The following PLB1 variants were observed in gnomAD, a reference collection of about 807,000 sequenced individuals.
The protein encoded by PLB1 is phospholipase B1, also known as phospholipase B1, membrane-associated.
Under a neutral mutation model 227.4 loss-of-function variants are expected in PLB1, and 242 were observed. That is an observed-to-expected ratio of 1.06 (90% CI 0.96 to 1.18). The LOEUF (loss-of-function observed/expected upper bound fraction) is 1.18, where lower values mean the gene tolerates loss of function less well. Among genes scored for constraint, PLB1 ranks in the 50% most tolerant of loss-of-function variants. The probability of loss-of-function intolerance (pLI) is 0.00; values close to 1 mark genes in which losing one functional copy is unlikely to be tolerated. For missense variants in PLB1, 1,858 were observed against 1,816.3 expected (o/e 1.02, Z -0.42); for synonymous variants, 757 against 682.2 (o/e 1.11, Z -1.71).
chr2:28,610,274 TTTC>T (rs914500656), intron 43 of PLB1, among the ~76,000 whole-genome samples: 1 of 152,130 alleles, frequency 6.6e-6, no homozygotes, highest in African/African-American at 2.4e-5. Context: ...ATGTTCACAC[TTTC>T]TTACCACCTG....
chr2:28,564,836 G>A (rs1332970211), intron 18 of PLB1, among the ~76,000 whole-genome samples: 1 of 147,380 alleles, frequency 6.8e-6, no homozygotes, highest in East Asian at 2.0e-4. Flanking sequence ...TGACGGCTAC[G>A]TGGGATTTCA....
intron 25 of PLB1, among the ~76,000 whole-genome samples, chr2:28,584,355 A>G (rs975810602): frequency 6.6e-6 from 1 of 152,224 alleles, no homozygotes; most frequent in Non-Finnish European, 1.5e-5. Context: ...GAGCAGAGAC[A>G]GGATGGTTGC....
At chr2:28,640,871 GA>G in intron 56 of PLB1, 55 bp from the exon 57 acceptor site, 1 of 1,535,496 alleles carries the variant, frequency 6.5e-7, no homozygotes, top group Admixed American at 1.8e-5. Flanking sequence ...CCCCCTCAGA[GA>G]GGAAAGTGTC....
rs1032976275 is a variant in PLB1 at position 28,519,718 on chromosome 2, G to A, written c.198G>A (p.Lys66=). 1.1e-5 allele frequency: 17 copies of A among 1,610,848 alleles called. No individual in the cohort carries two copies. In the African/African-American group the frequency reaches 1.9e-4, roughly 18 times the overall value. ...TTGTCTCCACAGTTCACTCTCTGAAGCCTTCTGATATTAAATTTGTGGCAG... is the reference window on the plus strand; with the variant it reads ...TTGTCTCCACAGTTCACTCTCTGAAACCTTCTGATATTAAATTTGTGGCAG... ...NMPSKSVHSL[K]PSDIKFVAAI... The change falls in exon 4 of 58, where the codon AAG becomes AAA. Residue 66 remains lysine, a synonymous_variant. Coordinates refer to ENST00000327757, the MANE Select transcript of PLB1 (RefSeq NM_153021.5).
At chr2:28,498,314 C>T (rs1330383457) in intron 1 of PLB1, among the ~76,000 whole-genome samples, 1 of 151,616 alleles carries the variant, frequency 6.6e-6, no homozygotes, top group Admixed American at 6.6e-5. Context: ...GCTTCAACCT[C>T]CCAGGCTCAA....
chr2:28,526,202 C>A (rs1342521252), intron 6 of PLB1, among the ~76,000 whole-genome samples: 1 of 152,036 alleles, frequency 6.6e-6, no homozygotes, highest in East Asian at 1.9e-4. Flanking sequence ...GATTGGGGAA[C>A]CTAGGAGAGG....
intron 4 of PLB1, among the ~76,000 whole-genome samples, chr2:28,523,772 T>C (rs1287549430): frequency 6.6e-6 from 1 of 152,250 alleles, no homozygotes; most frequent in Non-Finnish European, 1.5e-5. Flanking sequence ...TTGTCTTTAA[T>C]TGAATCAGCT....
At chr2:28,524,628 A>G (rs906064881) in intron 4 of PLB1, among the ~76,000 whole-genome samples, 1 of 152,196 alleles carries the variant, frequency 6.6e-6, no homozygotes, top group African/African-American at 2.4e-5. Context: ...GGAGAGTTAA[A>G]TAAATTCTAG....
At chr2:28,621,072 G>A (rs79753150) in intron 49 of PLB1, 94 bp downstream of exon 49, 1 of 1,016,770 alleles carries the variant, frequency 9.8e-7, no homozygotes, top group South Asian at 1.5e-5. Flanking sequence ...CCAGAAGCCT[G>A]GTCCCAGGGG....
At chr2:28,606,431 AG>A in intron 42 of PLB1, 64 bp from the exon 43 acceptor site, 3 of 1,493,142 alleles carry the variant, frequency 2.0e-6, no homozygotes, top group Non-Finnish European at 2.8e-6. Flanking sequence ...GGATTCTGCC[AG>A]GGAATGTTCA....
In PLB1 at chr2:28,598,174, G is replaced by C. The variant is rs150478075; in HGVS notation, c.2365+126G>C. 354 of 783,102 alleles carry C rather than the reference G, an allele frequency of 4.5e-4. 2 individuals carry two copies. In the East Asian group the frequency reaches 8.2e-3, roughly 18 times the overall value. 48.5% of individuals were successfully genotyped at this position (783,102 alleles called of 1,614,324 possible). A position where few individuals can be genotyped will look rare whatever the true frequency, so the allele number is the denominator to read the frequency against. On this transcript the variant is annotated intron_variant, in intron 34 of 57. Coordinates refer to ENST00000327757, the MANE Select transcript of PLB1 (RefSeq NM_153021.5). ...CTTATGGCCCAGCATTTAAGTAGGAGACAGGAGGCTATGAAAAAGCAGCCG... is the reference window on the plus strand; with the variant it reads ...CTTATGGCCCAGCATTTAAGTAGGACACAGGAGGCTATGAAAAAGCAGCCG...
chr2:28,543,129 C>G, intron 13 of PLB1, 83 bp from the exon 14 acceptor site: 1 of 1,442,886 alleles, frequency 6.9e-7, no homozygotes, highest in Non-Finnish European at 9.5e-7. Context: ...AACTCTATGC[C>G]AGAGAGAGCT....
intron 26 of PLB1, 46 bp from the exon 27 acceptor site, chr2:28,589,404 G>T: frequency 7.0e-7 from 1 of 1,431,592 alleles, no homozygotes; most frequent in Non-Finnish European, 9.9e-7. Context: ...GGACCGAGCA[G>T]ATGCAGAGAG....
chr2:28,566,014 C>T (rs1277420188), intron 19 of PLB1, among the ~76,000 whole-genome samples: 6 of 152,148 alleles, frequency 3.9e-5, no homozygotes, highest in South Asian at 2.1e-4. Context: ...CAGTGCATTC[C>T]CTTATCCTGT....
At chr2:28,593,983 C>T (rs565742968) in intron 33 of PLB1, 34 of 742,556 alleles carry the variant, frequency 4.6e-5, no homozygotes, top group Middle Eastern at 2.6e-4. Context: ...GAAAGTAAAC[C>T]AGGGTTCTTA....
At chr2:28,506,509 G>C (rs1458751334) in intron 1 of PLB1, among the ~76,000 whole-genome samples, 1 of 152,208 alleles carries the variant, frequency 6.6e-6, no homozygotes, top group African/African-American at 2.4e-5. Context: ...GGTGCAAGGA[G>C]AGAGGAGATT....
chr2:28,519,351 C>T (rs1232198433), intron 3 of PLB1, among the ~76,000 whole-genome samples: 2 of 152,168 alleles, frequency 1.3e-5, no homozygotes. Context: ...TCCTCTCATT[C>T]GTGGTGGCCC....
In PLB1 at chr2:28,598,321, C is replaced by T. The variant is rs74550850; in HGVS notation, c.2365+273C>T. Among the ~76,000 whole-genome samples the T allele has an allele frequency of 2.0e-3, 299 of 152,264 alleles. 2 individuals are homozygous for T. Among genetic ancestry groups the T allele is most frequent in the African/African-American group, 7.0e-3 (289 of 41,540 alleles). ...TGTCAGGTGACCTAGGGCAAGTTACCCGCTATTTTTAGCCTCAGGCTTTTC... is the reference window on the plus strand; with the variant it reads ...TGTCAGGTGACCTAGGGCAAGTTACTCGCTATTTTTAGCCTCAGGCTTTTC... On this transcript the variant is annotated intron_variant, in intron 34 of 57. Transcript: ENST00000327757.
At chr2:28,565,471 A>G in intron 19 of PLB1, 118 bp downstream of exon 19, 3 of 844,566 alleles carry the variant, frequency 3.6e-6, no homozygotes, top group South Asian at 1.8e-5. Context: ...GTTCTTTTCT[A>G]TGACCAACTT....
Sources: allele counts gnomAD v4.1 joint callset (sites outside exome capture counted in the v4.1 genomes callset), GRCh38; gene constraint gnomAD v4.1.1; transcripts MANE v1.5; gene names NCBI Gene and HGNC (gene_info 2026-07-23, HGNC 2026-07-21).